PTPRO: variants seen among roughly 807,000 people sequenced by gnomAD.
The protein encoded by PTPRO is protein tyrosine phosphatase receptor type O.
PTPRO carries 62 observed loss-of-function variants against 145.2 expected under a neutral mutation model. That is an observed-to-expected ratio of 0.43 (90% CI 0.35 to 0.53). The LOEUF is 0.53. PTPRO is among the 20% of genes least tolerant of loss of function. The probability of loss-of-function intolerance (pLI) is 0.01; values close to 1 mark genes in which losing one functional copy is unlikely to be tolerated. For synonymous variants in PTPRO, 565 were observed against 514.7 expected (o/e 1.10, Z -1.32); for missense variants, 1,345 against 1,482.7 (o/e 0.91, Z 1.53).
At chr12:15,360,329 T>C (rs1051794794) in intron 1 of PTPRO, among the ~76,000 whole-genome samples, 1 of 152,214 alleles carries the variant, frequency 6.6e-6, no homozygotes, top group African/African-American at 2.4e-5. Flanking sequence ...GACCTGAGAC[T>C]AATGATCTAA....
At chr12:15,511,925 A>G (rs527331300) in intron 7 of PTPRO, among the ~76,000 whole-genome samples, 4 of 152,302 alleles carry the variant, frequency 2.6e-5, no homozygotes, top group African/African-American at 9.6e-5. Flanking sequence ...GAATCAACTC[A>G]TAAAATATTA....
chr12:15,418,160 A>C (rs1428109833), intron 1 of PTPRO, among the ~76,000 whole-genome samples: 1 of 151,804 alleles, frequency 6.6e-6, no homozygotes, highest in Non-Finnish European at 1.5e-5. Flanking sequence ...ATAGCTTGTT[A>C]CCTCCTTGTG....
At chr12:15,459,311 T>C (rs1292255924) in intron 1 of PTPRO, among the ~76,000 whole-genome samples, 1 of 152,126 alleles carries the variant, frequency 6.6e-6, no homozygotes, top group Non-Finnish European at 1.5e-5. Flanking sequence ...TTTTAGTAGC[T>C]CCAGGTGTCT....
chr12:15,439,752 C>A, intron 1 of PTPRO: 1 of 570,154 alleles, frequency 1.8e-6, no homozygotes, highest in Non-Finnish European at 3.3e-6. Context: ...AAGATCAAGT[C>A]CCTGGAGGAG....
At chr12:15,439,772 T>A (rs1591813143) in intron 1 of PTPRO, 2 of 594,976 alleles carry the variant, frequency 3.4e-6, no homozygotes, top group Non-Finnish European at 6.3e-6. Context: ...GATCTACCTC[T>A]TCTCCCTGCC....
At chr12:15,460,648 GA>G in intron 1 of PTPRO, among the ~76,000 whole-genome samples, 1 of 151,920 alleles carries the variant, frequency 6.6e-6, no homozygotes, top group South Asian at 2.1e-4. Flanking sequence ...TTCTTTATGG[GA>G]AAAAAAGAGA....
chr12:15,502,135 G>T, intron 5 of PTPRO, 72 bp downstream of exon 5: 1 of 1,446,654 alleles, frequency 6.9e-7, no homozygotes, highest in South Asian at 1.2e-5. Flanking sequence ...TTTTAAATTT[G>T]AGTTTAGAAA....
At chr12:15,502,306 A>G (rs1942238722) in intron 5 of PTPRO, among the ~76,000 whole-genome samples, 1 of 152,194 alleles carries the variant, frequency 6.6e-6, no homozygotes, top group African/African-American at 2.4e-5. Flanking sequence ...TGCCAACTGT[A>G]TACATTTGAC....
intron 6 of PTPRO, among the ~76,000 whole-genome samples, chr12:15,506,715 C>A (rs894062739): frequency 6.6e-6 from 1 of 152,100 alleles, no homozygotes; most frequent in Admixed American, 6.5e-5. Context: ...CAGGTCCCTC[C>A]CTCGACAAGT....
At chr12:15,590,530 G>C (rs546686629) in intron 25 of PTPRO, among the ~76,000 whole-genome samples, 1 of 152,124 alleles carries the variant, frequency 6.6e-6, no homozygotes, top group South Asian at 2.1e-4. Flanking sequence ...AGCACCACTA[G>C]ATGTCAGTAT....
intron 1 of PTPRO, among the ~76,000 whole-genome samples, chr12:15,471,614 C>T (rs566630921): frequency 6.6e-6 from 1 of 152,282 alleles, no homozygotes; most frequent in East Asian, 1.9e-4. Flanking sequence ...TCATCATCAT[C>T]TTTATTATCA....
chr12:15,405,219 T>G (rs926966737), intron 1 of PTPRO, among the ~76,000 whole-genome samples: 5 of 152,188 alleles, frequency 3.3e-5, no homozygotes, highest in Non-Finnish European at 7.3e-5. Flanking sequence ...GGAAATAAGT[T>G]TCATTGCTTT....
chr12:15,543,968 T>G (rs1943227326), intron 12 of PTPRO, among the ~76,000 whole-genome samples: 1 of 152,182 alleles, frequency 6.6e-6, no homozygotes, highest in African/African-American at 2.4e-5. Flanking sequence ...GCTGGTTGGA[T>G]AGCATGCAGC....
At chr12:15,572,361 T>C (rs1398166388) in intron 19 of PTPRO, among the ~76,000 whole-genome samples, 1 of 152,192 alleles carries the variant, frequency 6.6e-6, no homozygotes, top group Non-Finnish European at 1.5e-5. Context: ...AACAGTATAG[T>C]ATAGTATATA....
intron 12 of PTPRO, among the ~76,000 whole-genome samples, chr12:15,529,755 A>T (rs1942921319): frequency 6.6e-6 from 1 of 152,356 alleles, no homozygotes; most frequent in Middle Eastern, 3.4e-3. Context: ...TTAAAAATAA[A>T]AAGCAACAAA....
At chr12:15,334,623 G>C (rs901160027) in intron 1 of PTPRO, among the ~76,000 whole-genome samples, 1 of 152,044 alleles carries the variant, frequency 6.6e-6, no homozygotes, top group Admixed American at 6.6e-5. Context: ...ACTGAAGTTT[G>C]GGTTAGCTGT....
intron 1 of PTPRO, among the ~76,000 whole-genome samples, chr12:15,401,851 T>G (rs192557647): frequency 6.6e-6 from 1 of 152,210 alleles, no homozygotes. Context: ...TAATTAAAAA[T>G]TAATTAAAAT....
intron 1 of PTPRO, among the ~76,000 whole-genome samples, chr12:15,325,778 T>C (rs1198736367): frequency 6.6e-6 from 1 of 152,200 alleles, no homozygotes; most frequent in East Asian, 1.9e-4. Flanking sequence ...CTTTGTCTAC[T>C]AAGGTGCAAA....
At chr12:15,408,980 T>A (rs1379954083) in intron 1 of PTPRO, among the ~76,000 whole-genome samples, 1 of 152,156 alleles carries the variant, frequency 6.6e-6, no homozygotes, top group East Asian at 1.9e-4. Context: ...GCCTACTGAC[T>A]AGTAGATGCT....
Sources: allele counts gnomAD v4.1 joint callset (sites outside exome capture counted in the v4.1 genomes callset), GRCh38; gene constraint gnomAD v4.1.1; transcripts MANE v1.5; gene names NCBI Gene and HGNC (gene_info 2026-07-23, HGNC 2026-07-21).